PHF21B: variants seen among roughly 807,000 people sequenced by gnomAD.
PHF21B encodes PHD finger protein 4.
Under a neutral mutation model 62.2 loss-of-function variants are expected in PHF21B, and 22 were observed. The observed-to-expected ratio is 0.35, with a 90% CI of 0.25 to 0.51. The LOEUF (loss-of-function observed/expected upper bound fraction) is 0.51. Ranked by LOEUF, PHF21B falls within the 20% of genes least tolerant of loss-of-function variation. The probability of loss-of-function intolerance (pLI) is 0.97; values close to 1 mark genes in which losing one functional copy is unlikely to be tolerated. For missense variants in PHF21B, 701 were observed against 707.9 expected (o/e 0.99, Z 0.11); for synonymous variants, 341 against 314.7 (o/e 1.08, Z -0.88).
intron 2 of PHF21B, among the ~76,000 whole-genome samples, chr22:44,952,056 G>A (rs1268452240): frequency 6.6e-6 from 1 of 152,156 alleles, no homozygotes; most frequent in Non-Finnish European, 1.5e-5. Context: ...TAAGAAAACA[G>A]AACTGGCTGG....
intron 2 of PHF21B, among the ~76,000 whole-genome samples, chr22:44,974,132 G>A (rs566296490): frequency 5.5e-4 from 83 of 152,230 alleles, no homozygotes; most frequent in Non-Finnish European, 7.4e-4. Flanking sequence ...GTGCATATGC[G>A]GCCAGGTGCG....
chr22:44,891,995 T>C (rs2070974484), intron 7 of PHF21B, among the ~76,000 whole-genome samples: 1 of 152,208 alleles, frequency 6.6e-6, no homozygotes, highest in Non-Finnish European at 1.5e-5. Flanking sequence ...CCCCTCGGGC[T>C]GTGTGCCTGC....
chr22:44,941,054 A>G (rs2071946367), intron 2 of PHF21B, among the ~76,000 whole-genome samples: 1 of 152,234 alleles, frequency 6.6e-6, no homozygotes, highest in African/African-American at 2.4e-5. Flanking sequence ...ACCCACATCC[A>G]CAGCACCCCG....
chr22:44,969,249 A>G (rs1295641337), intron 2 of PHF21B: 3 of 152,270 alleles, frequency 2.0e-5, no homozygotes, highest in African/African-American at 7.2e-5. Flanking sequence ...CCCCAAAGCC[A>G]GCTGCTGCAA....
chr22:44,899,322 C>T (rs1161207421), intron 5 of PHF21B, among the ~76,000 whole-genome samples: 1 of 127,448 alleles, frequency 7.8e-6, no homozygotes, highest in African/African-American at 3.0e-5. Context: ...CGGAGCTTCG[C>T]TCTTGTCACC....
intron 2 of PHF21B, among the ~76,000 whole-genome samples, chr22:44,926,942 G>A (rs972749729): frequency 2.0e-5 from 3 of 152,142 alleles, no homozygotes; most frequent in Non-Finnish European, 4.4e-5. Flanking sequence ...TTCCACACGA[G>A]TTCTTCTCGG....
At chr22:44,966,912 C>T (rs2072538138) in intron 2 of PHF21B, 1 of 152,228 alleles carries the variant, frequency 6.6e-6, no homozygotes, top group African/African-American at 2.4e-5. Context: ...ATCTGTCTCC[C>T]ACCCCCCAGC....
intron 2 of PHF21B, among the ~76,000 whole-genome samples, chr22:44,991,238 G>A (rs1220699686): frequency 2.0e-5 from 3 of 152,212 alleles, no homozygotes; most frequent in East Asian, 1.9e-4. Context: ...AGCTTGATGT[G>A]CACGCTATTA....
chr22:44,902,722 G>C (rs186175849), intron 5 of PHF21B, among the ~76,000 whole-genome samples: 3 of 151,820 alleles, frequency 2.0e-5, no homozygotes, highest in Admixed American at 6.6e-5. Context: ...GTTTCATTAA[G>C]TTTTTTTTAA....
chr22:44,885,874 G>A lies in PHF21B; in HGVS notation c.1262C>T (p.Thr421Ile). The A allele has an allele frequency of 6.2e-7, 1 of 1,614,088 alleles. No homozygotes were observed. ...CAGGGATGCCTCACCTGTCTTGTGG[G>A]TGACATAAGAGTGCACGATGGCCAG... Reference protein sequence around the residue: ...GMLAIVHSYVTHKTVKEEEKQ... With the variant: ...GMLAIVHSYVIHKTVKEEEKQ... The change falls in exon 11 of 13, where the codon ACC becomes ATC. Residue 421 changes from threonine (T) to isoleucine (I), a missense_variant. By Grantham distance (89) the Thr-to-Ile change is moderately conservative. Coordinates refer to ENST00000313237, the MANE Select transcript of PHF21B (RefSeq NM_138415.5).
At chr22:44,999,426 C>T (rs1701356634) in intron 2 of PHF21B, among the ~76,000 whole-genome samples, 1 of 152,110 alleles carries the variant, frequency 6.6e-6, no homozygotes, top group South Asian at 2.1e-4. Context: ...TCACCGAGGC[C>T]CCGGCCAGCC....
At chr22:45,006,743 T>C (rs977514005) in intron 2 of PHF21B, among the ~76,000 whole-genome samples, 2 of 152,068 alleles carry the variant, frequency 1.3e-5, no homozygotes, top group Admixed American at 6.6e-5. Context: ...TCTTCTTCTC[T>C]CTCTCTTTTA....
At chr22:44,959,191 C>T (rs1269090901) in intron 2 of PHF21B, among the ~76,000 whole-genome samples, 1 of 152,172 alleles carries the variant, frequency 6.6e-6, no homozygotes, top group African/African-American at 2.4e-5. Context: ...TGATCTGCTC[C>T]CATCTCAGGA....
intron 2 of PHF21B, among the ~76,000 whole-genome samples, chr22:44,987,631 A>C (rs913647406): frequency 1.3e-5 from 2 of 152,106 alleles, no homozygotes; most frequent in Non-Finnish European, 2.9e-5. Context: ...GACCACCCAG[A>C]GCACTGGCAG....
At chr22:44,955,610 T>C (rs2072280354) in intron 2 of PHF21B, among the ~76,000 whole-genome samples, 1 of 152,262 alleles carries the variant, frequency 6.6e-6, no homozygotes, top group East Asian at 1.9e-4. Flanking sequence ...AGATCCTCCT[T>C]CTCCTGCTCT....
At chr22:44,981,769 C>A (rs939138322) in intron 2 of PHF21B, among the ~76,000 whole-genome samples, 1 of 152,190 alleles carries the variant, frequency 6.6e-6, no homozygotes, top group African/African-American at 2.4e-5. Context: ...CAAGCTACAG[C>A]GGCACGCAGG....
At chr22:44,986,203 C>G (rs1341074346) in intron 2 of PHF21B, among the ~76,000 whole-genome samples, 1 of 151,714 alleles carries the variant, frequency 6.6e-6, no homozygotes, top group African/African-American at 2.4e-5. Flanking sequence ...ATCACCGCCA[C>G]TACCATCACA....
At chr22:44,983,244 AAAAAAAAAG>A (rs1470906587) in intron 2 of PHF21B, among the ~76,000 whole-genome samples, 3 of 46,548 alleles carry the variant, frequency 6.4e-5, no homozygotes, top group Non-Finnish European at 8.7e-5. Flanking sequence ...AAAAAAAAAA[AAAAAAAAAG>A]GCAAAACCGG....
chr22:44,893,367 G>A, intron 7 of PHF21B, 90 bp downstream of exon 7: 1 of 1,285,210 alleles, frequency 7.8e-7, no homozygotes, highest in Admixed American at 2.0e-5. Flanking sequence ...GCTTAGGAAA[G>A]CGAATGAGGG....
Sources: allele counts gnomAD v4.1 joint callset (sites outside exome capture counted in the v4.1 genomes callset), GRCh38; gene constraint gnomAD v4.1.1; transcripts MANE v1.5; gene names NCBI Gene and HGNC (gene_info 2026-07-23, HGNC 2026-07-21).